MLKL: variants seen among roughly 807,000 people sequenced by gnomAD.
The protein encoded by MLKL is mixed lineage kinase domain-like protein.
MLKL carries 55 observed loss-of-function variants against 56.5 expected under a neutral mutation model. That is an observed-to-expected ratio of 0.97 (90% CI 0.78 to 1.22). The LOEUF is 1.22. MLKL is among the 50% of genes most tolerant of loss of function. The pLI, the probability that MLKL is intolerant of heterozygous loss-of-function variation, is 0.00. For missense variants in MLKL, 694 were observed against 573.9 expected (o/e 1.21, Z -2.14); for synonymous variants, 251 against 208.3 (o/e 1.20, Z -1.76).
At chr16:74,693,688 C>T (rs1192993532) in intron 2 of MLKL, among the ~76,000 whole-genome samples, 2 of 151,046 alleles carry the variant, frequency 1.3e-5, no homozygotes, top group Non-Finnish European at 1.5e-5. Context: ...CTGCAGGCTC[C>T]GCCCCGCGGG....
chr16:74,676,333 T>G, intron 7 of MLKL: 1 of 985,872 alleles, frequency 1.0e-6, no homozygotes, highest in South Asian at 4.7e-5. Flanking sequence ...AGCACAATCA[T>G]GACAGCATAT....
chr16:74,676,954 G>A (rs997185762), intron 7 of MLKL: 2 of 152,188 alleles, frequency 1.3e-5, no homozygotes, highest in African/African-American at 4.8e-5. Flanking sequence ...AATGACTGCT[G>A]ATTGTTAGAT....
At chr16:74,687,640 G>A (rs980752320) in intron 4 of MLKL, among the ~76,000 whole-genome samples, 16 of 151,852 alleles carry the variant, frequency 1.1e-4, no homozygotes, top group African/African-American at 2.7e-4. Flanking sequence ...TTGGGGGTCC[G>A]GAAATAAACT....
In MLKL at chr16:74,684,517, CAG is replaced by C. The variant is rs553022010; in HGVS notation, c.820+967_820+968del. Reference sequence around the variant, plus strand: ...GGTTTTTTTTTTTGTTTGTTTGAGACAGAGTCTCACTCTGTCACCCAGGCTGG... The same window carrying C: ...GGTTTTTTTTTTTGTTTGTTTGAGACAGTCTCACTCTGTCACCCAGGCTGG... On this transcript the variant is annotated intron_variant, in intron 5 of 10. Transcript: ENST00000308807. Among the ~76,000 whole-genome samples the C allele has an allele frequency of 7.5e-5, 11 of 147,220 alleles. No individual in the cohort carries two copies. The South Asian group carries it at 2.4e-3, about 32-fold the overall frequency.
intron 4 of MLKL, among the ~76,000 whole-genome samples, chr16:74,687,641 G>A (rs75205193): frequency 0.014 from 2,092 of 151,742 alleles, 21 homozygotes; most frequent in Non-Finnish European, 0.021. Flanking sequence ...TGGGGGTCCG[G>A]AAATAAACTC....
chr16:74,678,254 G>A (rs1486751268), intron 7 of MLKL: 2 of 152,846 alleles, frequency 1.3e-5, no homozygotes, highest in Non-Finnish European at 2.9e-5. Context: ...GCCTAGACCT[G>A]TCCTGTGAGT....
At chr16:74,677,507 A>C (rs1959671334) in intron 7 of MLKL, 1 of 152,188 alleles carries the variant, frequency 6.6e-6, no homozygotes, top group South Asian at 2.1e-4. Flanking sequence ...GGTGTGCACC[A>C]CCATGACTGG....
intron 6 of MLKL, among the ~76,000 whole-genome samples, chr16:74,681,723 G>A (rs1959981685): frequency 1.3e-5 from 2 of 152,022 alleles, no homozygotes; most frequent in South Asian, 4.2e-4. Flanking sequence ...GAACCTGGGA[G>A]GCAGAGGTTG....
chr16:74,683,800 G>A (rs797001311), intron 5 of MLKL, among the ~76,000 whole-genome samples: 14 of 152,202 alleles, frequency 9.2e-5, no homozygotes, highest in African/African-American at 3.4e-4. Flanking sequence ...AATGAGTAGG[G>A]CACACATGGC....
rs565392545 is a variant in MLKL, at chr16:74,693,784, C to T, written c.461-1368G>A. Reference sequence around the variant, plus strand: ...TCGCCCGTCTAATTTTTTGTATTTTCAGTAGAGACGGGGTTTCACCGTGTT... The same window carrying T: ...TCGCCCGTCTAATTTTTTGTATTTTTAGTAGAGACGGGGTTTCACCGTGTT... On this transcript the variant is annotated intron_variant, in intron 2 of 10. Transcript: ENST00000308807. Among the ~76,000 whole-genome samples, 9 of 151,952 alleles carry T rather than the reference C, an allele frequency of 5.9e-5. No homozygotes were observed. The South Asian group carries it at 1.5e-3, about 25-fold the overall frequency.
Position 74,684,152 on chromosome 16 carries a change from T to C in MLKL, c.820+1334A>G, listed in dbSNP as rs904612488. On this transcript the variant is annotated intron_variant, in intron 5 of 10. Transcript: ENST00000308807. ...TAGTAGAGACAGGGTTTTATCATGT[T>C]GGCCAGGCTGGTCTCAAACTCCTGA... Among the ~76,000 whole-genome samples, 5 of 152,140 alleles carry C rather than the reference T, an allele frequency of 3.3e-5. No homozygotes were observed. The East Asian group carries it at 7.8e-4, about 24-fold the overall frequency.
At position 74,696,959 on chromosome 16, in the gene MLKL, A is replaced by C. The variant is rs954700662; in HGVS notation, c.-2-1200T>G. ...TAGTAATATATATAATATTACATAT[A>C]TATAGTAATATATATGTAATATTAC... On this transcript the variant is annotated intron_variant, in intron 1 of 10. Coordinates refer to ENST00000308807, the MANE Select transcript of MLKL (RefSeq NM_152649.4). 6.2e-5 allele frequency among the ~76,000 whole-genome samples: 9 copies of C among 145,078 alleles called. No individual in the cohort carries two copies. The South Asian group carries it at 1.9e-3, about 31-fold the overall frequency.
rs114240655 is a variant in MLKL at position 74,699,938 on chromosome 16, T to A, written c.-3+515A>T. On this transcript the variant is annotated intron_variant, in intron 1 of 10. Coordinates refer to ENST00000308807, the MANE Select transcript of MLKL (RefSeq NM_152649.4). ...GCCTGGGCAACAGAGGAAGACTCCA[T>A]CTCTCAAAATAAATAAATAAAAAGA... Among the ~76,000 whole-genome samples, 722 of 152,128 alleles carry A rather than the reference T, an allele frequency of 4.7e-3. 8 individuals carry two copies. Among genetic ancestry groups the A allele is most frequent in the African/African-American group, 0.017 (693 of 41,482 alleles).
rs369487001 is a variant in MLKL, at chr16:74,675,756, T to C, written c.1047A>G (p.Gly349=). ...VTQGYQVKLA[G]FELRKTQTSM... The stretch of plus-strand genomic sequence containing the variant: ...AAGTCTGTGTTTTCCTCAACTCAAA[T>C]CCTGCAAGCTAGATAGAGAGGCAAC... Residue 349 remains glycine, a synonymous_variant, in exon 8 of 11, where the codon GGA becomes GGG. Coordinates refer to ENST00000308807, the MANE Select transcript of MLKL (RefSeq NM_152649.4). 12 of 1,613,902 alleles carry C rather than the reference T, an allele frequency of 7.4e-6. No individual in the cohort carries two copies. The African/African-American group carries it at 1.6e-4, about 22-fold the overall frequency.
intron 10 of MLKL, among the ~76,000 whole-genome samples, chr16:74,674,120 G>GAAC (rs1959421829): frequency 1.3e-5 from 2 of 151,984 alleles, no homozygotes; most frequent in Non-Finnish European, 2.9e-5. Flanking sequence ...TTGTGTGGTG[G>GAAC]GCTGTCCTAT....
intron 5 of MLKL, among the ~76,000 whole-genome samples, chr16:74,683,256 G>A (rs536848607): frequency 4.3e-4 from 63 of 147,752 alleles, no homozygotes; most frequent in African/African-American, 1.5e-3. Context: ...TTGCACCACT[G>A]CACTCCAGCC....
chr16:74,679,275 G>A (rs1959795263), intron 6 of MLKL, among the ~76,000 whole-genome samples: 1 of 152,206 alleles, frequency 6.6e-6, no homozygotes, highest in Non-Finnish European at 1.5e-5. Flanking sequence ...GCTTTGCCTG[G>A]GAAGTGCTGG....
chr16:74,684,431 G>GAAAAAAAAA (rs66482612), intron 5 of MLKL, among the ~76,000 whole-genome samples: 3 of 112,708 alleles, frequency 2.7e-5, no homozygotes, highest in Admixed American at 1.0e-4. Context: ...GGGAAAAAAA[G>GAAAAAAAAA]AAAAAAAAAA....
At chr16:74,691,100 A>C (rs1276115670) in intron 4 of MLKL, among the ~76,000 whole-genome samples, 177 bp downstream of exon 4, 19 of 151,888 alleles carry the variant, frequency 1.3e-4, no homozygotes. Flanking sequence ...GAAGACCTAG[A>C]ACTGAGGTGG....
Sources: gnomAD v4.1 joint callset for allele counts (sites outside exome capture counted in the v4.1 genomes callset) on GRCh38, gnomAD v4.1.1 for gene constraint, MANE v1.5 for transcripts, NCBI Gene and HGNC (gene_info 2026-07-23, HGNC 2026-07-21) for gene names.